FRMD4A: variants seen among roughly 807,000 people sequenced by gnomAD.
The protein encoded by FRMD4A is FERM domain-containing protein 4A.
A neutral mutation model predicts 129.1 loss-of-function variants in FRMD4A; 29 were observed. The observed-to-expected ratio is 0.22, with a 90% CI of 0.17 to 0.31. The LOEUF (loss-of-function observed/expected upper bound fraction) is 0.31, where lower values mean the gene tolerates loss of function less well. FRMD4A is among the 10% of genes least tolerant of loss of function. The probability of loss-of-function intolerance (pLI) is 1.00; values close to 1 mark genes in which losing one functional copy is unlikely to be tolerated. For missense variants in FRMD4A, 1,272 were observed against 1,375.8 expected (o/e 0.92, Z 1.19); for synonymous variants, 634 against 571.6 (o/e 1.11, Z -1.56).
At chr10:14,169,527 C>A (rs978019615) in intron 2 of FRMD4A, among the ~76,000 whole-genome samples, 6 of 152,180 alleles carry the variant, frequency 3.9e-5, no homozygotes, top group Non-Finnish European at 5.9e-5. Flanking sequence ...AAAGACCATG[C>A]TTCCATCCGT....
chr10:13,724,912 G>C (rs1171483089), intron 12 of FRMD4A, among the ~76,000 whole-genome samples: 1 of 152,178 alleles, frequency 6.6e-6, no homozygotes, highest in African/African-American at 2.4e-5. Flanking sequence ...ATCAGCTGCA[G>C]TAGGAAAACC....
intron 2 of FRMD4A, among the ~76,000 whole-genome samples, chr10:14,212,031 T>A (rs543093848): frequency 3.3e-5 from 5 of 152,190 alleles, no homozygotes; most frequent in African/African-American, 9.6e-5. Context: ...CAGACAGACA[T>A]CCCCTGTGAT....
intron 2 of FRMD4A, chr10:13,890,818 G>C: frequency 1.0e-6 from 1 of 985,300 alleles, no homozygotes; most frequent in Non-Finnish European, 1.2e-6. Context: ...GCATCGTTCA[G>C]AATGAGGATG....
At chr10:13,751,391 A>C (rs140343593) in intron 8 of FRMD4A, among the ~76,000 whole-genome samples, 1 of 152,352 alleles carries the variant, frequency 6.6e-6, no homozygotes, top group Non-Finnish European at 1.5e-5. Flanking sequence ...ATGGCCCTTC[A>C]TCCTTCCCCG....
At chr10:13,680,421 G>A (rs969353144) in intron 15 of FRMD4A, among the ~76,000 whole-genome samples, 4 of 150,758 alleles carry the variant, frequency 2.7e-5, no homozygotes, top group Admixed American at 1.3e-4. Flanking sequence ...GTTGTGTTTA[G>A]CCCCTTGGAA....
intron 2 of FRMD4A, among the ~76,000 whole-genome samples, chr10:14,150,669 A>G (rs1207717812): frequency 6.6e-6 from 1 of 152,122 alleles, no homozygotes; most frequent in Non-Finnish European, 1.5e-5. Context: ...TTCTCTGTGC[A>G]TATTCACTTT....
intron 2 of FRMD4A, among the ~76,000 whole-genome samples, chr10:13,972,594 A>T (rs11258763): frequency 0.54 from 82,778 of 151,934 alleles, 23,861 homozygotes; most frequent in Non-Finnish European, 0.66. Flanking sequence ...TGCTATTTTA[A>T]TGCATGTTGG....
chr10:14,281,607 C>T (rs1845523339), intron 2 of FRMD4A, among the ~76,000 whole-genome samples: 1 of 152,180 alleles, frequency 6.6e-6, no homozygotes, highest in Non-Finnish European at 1.5e-5. Flanking sequence ...CCATTGTAAC[C>T]ATTTTTAAGT....
rs185395453 is a variant in FRMD4A, at chr10:13,989,461, T to C, written c.46-130549A>G. ...ACTTCCGCCTCCCGGGTTCAAGCGA[T>C]TCTCCTGACTCAGCCTCCCACCACG... On this transcript the variant is annotated intron_variant, in intron 2 of 24. Coordinates refer to ENST00000357447, the MANE Select transcript of FRMD4A (RefSeq NM_018027.5). 3.0e-4 allele frequency among the ~76,000 whole-genome samples: 45 copies of C among 152,258 alleles called. No individual in the cohort carries two copies. The East Asian group carries it at 4.6e-3, about 16-fold the overall frequency.
chr10:13,946,993 A>G (rs1164457644), intron 2 of FRMD4A, among the ~76,000 whole-genome samples: 2 of 152,134 alleles, frequency 1.3e-5, no homozygotes, highest in East Asian at 3.9e-4. Context: ...TCAGGAAGGT[A>G]CCTGAGCTGT....
chr10:13,926,114 C>A (rs2095131036), intron 2 of FRMD4A, among the ~76,000 whole-genome samples: 1 of 152,054 alleles, frequency 6.6e-6, no homozygotes, highest in Admixed American at 6.5e-5. Context: ...TATATTCAAC[C>A]CAGTTTTGAC....
rs569576637 is a variant in FRMD4A at position 13,824,231 on chromosome 10, A to G, written c.112-13323T>C. Among the ~76,000 whole-genome samples, 15 of 151,456 alleles carry G rather than the reference A, an allele frequency of 9.9e-5. No individual in the cohort carries two copies. The South Asian group carries it at 3.1e-3, about 32-fold the overall frequency. On this transcript the variant is annotated intron_variant, in intron 3 of 24. Coordinates refer to ENST00000357447, the MANE Select transcript of FRMD4A (RefSeq NM_018027.5). Reference sequence around the variant, plus strand: ...GGTGTCTCCCGCCTGTAATCCCAGCACTAAGGGAGACCAAGGAGGGTGAAT... The same window carrying G: ...GGTGTCTCCCGCCTGTAATCCCAGCGCTAAGGGAGACCAAGGAGGGTGAAT...
At chr10:14,014,693 T>A (rs1424057189) in intron 2 of FRMD4A, among the ~76,000 whole-genome samples, 1 of 152,202 alleles carries the variant, frequency 6.6e-6, no homozygotes, top group Non-Finnish European at 1.5e-5. Flanking sequence ...AACACTCCTA[T>A]CACCAGACCT....
In FRMD4A at chr10:13,827,050, C is replaced by A. The variant is rs12251047; in HGVS notation, c.112-16142G>T. The stretch of plus-strand genomic sequence containing the variant: ...GAGGTTTACGGAATTCAAAATAGCA[C>A]AGAATAGGGGGATTAGGAACTTAAG... On this transcript the variant is annotated intron_variant, in intron 3 of 24. Transcript: ENST00000357447. Among the ~76,000 whole-genome samples, 379 of 152,234 alleles carry A rather than the reference C, an allele frequency of 2.5e-3. 1 individual carries two copies. Among genetic ancestry groups the A allele is most frequent in the African/African-American group, 8.6e-3 (356 of 41,548 alleles).
At chr10:14,132,056 C>T (rs533551653) in intron 2 of FRMD4A, among the ~76,000 whole-genome samples, 6 of 152,246 alleles carry the variant, frequency 3.9e-5, no homozygotes, top group South Asian at 2.1e-4. Flanking sequence ...GAGGCCAAGA[C>T]GGGCAAATTA....
chr10:14,330,347 T>C (rs1843471074), intron 1 of FRMD4A, among the ~76,000 whole-genome samples, 164 bp from the exon 2 acceptor site: 1 of 149,580 alleles, frequency 6.7e-6, no homozygotes, highest in South Asian at 2.1e-4. Flanking sequence ...AAGCTGCAGG[T>C]TATTTAAAAG....
chr10:13,754,267 G>A (rs2091761465), intron 8 of FRMD4A, among the ~76,000 whole-genome samples: 1 of 145,664 alleles, frequency 6.9e-6, no homozygotes, highest in African/African-American at 2.6e-5. Context: ...AATTCGCATA[G>A]AATTTGAAGA....
At chr10:14,054,516 T>A (rs1221745859) in intron 2 of FRMD4A, among the ~76,000 whole-genome samples, 1 of 152,106 alleles carries the variant, frequency 6.6e-6, no homozygotes, top group African/African-American at 2.4e-5. Context: ...AATCAAAATT[T>A]CTCTACGAGT....
chr10:13,942,240 T>A (rs2095297832), intron 2 of FRMD4A, among the ~76,000 whole-genome samples: 2 of 152,352 alleles, frequency 1.3e-5, no homozygotes, highest in African/African-American at 4.8e-5. Flanking sequence ...AAGGCACTAA[T>A]GAGCGCTCCC....
Sources: gnomAD v4.1 joint callset for allele counts (sites outside exome capture counted in the v4.1 genomes callset) on GRCh38, gnomAD v4.1.1 for gene constraint, MANE v1.5 for transcripts, NCBI Gene and HGNC (gene_info 2026-07-23, HGNC 2026-07-21) for gene names.